SLC1A7: variants seen among roughly 807,000 people sequenced by gnomAD.
SLC1A7 encodes the protein solute carrier family 1 member 7, also known as excitatory amino acid transporter 5.
A neutral mutation model predicts 47.7 loss-of-function variants in SLC1A7; 40 were observed. That is an observed-to-expected ratio of 0.84 (90% CI 0.65 to 1.09). The LOEUF (loss-of-function observed/expected upper bound fraction) is 1.09, where lower values mean the gene tolerates loss of function less well. Among genes scored for constraint, SLC1A7 ranks in the 50% least tolerant of loss-of-function variants. The pLI is 0.00. For missense variants in SLC1A7, 746 were observed against 769.5 expected (o/e 0.97, Z 0.36); for synonymous variants, 323 against 325.6 (o/e 0.99, Z 0.09).
At chr1:53,090,282 C>A (rs116005653) in intron 8 of SLC1A7, 2 of 540,692 alleles carry the variant, frequency 3.7e-6, no homozygotes, top group Non-Finnish European at 6.6e-6. Flanking sequence ...GGGGCCTGGC[C>A]TCCAGGGTCA....
At chr1:53,124,267 C>G (rs1012543507) in intron 2 of SLC1A7, among the ~76,000 whole-genome samples, 1 of 146,090 alleles carries the variant, frequency 6.8e-6, no homozygotes, top group South Asian at 2.2e-4. Context: ...CACACACACA[C>G]ACACACACAC....
chr1:53,089,399 G>A (rs1288402), intron 9 of SLC1A7, among the ~76,000 whole-genome samples: 83,972 of 151,916 alleles, frequency 0.55, 26,757 homozygotes, highest in Non-Finnish European at 0.72. Context: ...TGAATAGCTG[G>A]GATTACAGGC....
At chr1:53,136,548 TATATATAAACATATATATAAACATATATA>T (rs1644996908) in intron 1 of SLC1A7, among the ~76,000 whole-genome samples, 1 of 40,422 alleles carries the variant, frequency 2.5e-5, no homozygotes, top group Non-Finnish European at 4.9e-5. Context: ...ATATATATAA[TATATATAAACATATATATAAACATATATA>T]ATATATAAAC....
chr1:53,111,156 G>T (rs1290149657), intron 3 of SLC1A7, among the ~76,000 whole-genome samples: 3 of 152,198 alleles, frequency 2.0e-5, no homozygotes, highest in Non-Finnish European at 1.5e-5. Flanking sequence ...CAACAGAGAG[G>T]CAGAGCCTGG....
chr1:53,127,870 T>G (rs888982682), intron 2 of SLC1A7, among the ~76,000 whole-genome samples: 1 of 152,162 alleles, frequency 6.6e-6, no homozygotes, highest in African/African-American at 2.4e-5. Context: ...TTCTCCCTGG[T>G]TGGGCCTCCG....
chr1:53,123,756 G>A (rs1333190662), intron 2 of SLC1A7, among the ~76,000 whole-genome samples: 3 of 152,238 alleles, frequency 2.0e-5, no homozygotes, highest in Admixed American at 2.0e-4. Context: ...GCTTTTCGGA[G>A]TCACCAGGCT....
rs1644969219 is a variant in SLC1A7, at chr1:53,134,275, C to G, written c.215+75G>C. On this transcript the variant is annotated intron_variant, in intron 2 of 10. Transcript: ENST00000371494. ...GTGGTTGCTCTCCAGCCACCCACAG[C>G]AGGAGCAGGGCAGCAACAGAAGCCA... is the stretch of plus-strand genomic sequence containing the variant. The G allele has an allele frequency of 3.7e-6, 4 of 1,075,048 alleles. No individual in the cohort carries two copies. In the African/African-American group the frequency reaches 6.2e-5, roughly 17 times the overall value. The allele number at this position is 1,075,048 out of a possible 1,614,324, so 66.6% of individuals were successfully genotyped here.
At chr1:53,134,496 C>T in intron 1 of SLC1A7, 67 bp from the exon 2 acceptor site, 1 of 1,061,350 alleles carries the variant, frequency 9.4e-7, no homozygotes, top group Non-Finnish European at 1.4e-6. Context: ...CCGTTCTTCA[C>T]AGTCTTTGAA....
At chr1:53,098,247 C>T (rs1260775113) in intron 5 of SLC1A7, among the ~76,000 whole-genome samples, 1 of 151,176 alleles carries the variant, frequency 6.6e-6, no homozygotes, top group Admixed American at 6.6e-5. Context: ...TCAGTATACT[C>T]ACCCTGCCTC....
chr1:53,092,556 G>A lies in SLC1A7; in HGVS notation c.1029C>T (p.Ser343=), dbSNP rs1225395938. 24 of 1,609,054 alleles carry A rather than the reference G, an allele frequency of 1.5e-5. No homozygotes were observed. The highest frequency in any genetic ancestry group is 2.0e-5 in the Non-Finnish European group (24 of 1,175,418). The change falls in exon 7 of 11, where the codon TCC becomes TCT. Residue 343 remains serine (S), a splice_region_variant and synonymous_variant. Coordinates refer to ENST00000371494, the MANE Select transcript of SLC1A7 (RefSeq NM_006671.6). ...QALLIALATS[S]SSATLPITFK... ...GTCCTGCCCGTCCCCGGGGCTACCT[G>A]GAGGAGGTGGCCAGCGCGATGAGCA... is the stretch of plus-strand genomic sequence containing the variant.
In SLC1A7 at chr1:53,089,843, G is replaced by GT; in HGVS notation, c.1317_1318insA (p.Pro440ThrfsTer4). 1 of 1,613,912 alleles carries GT rather than the reference G, an allele frequency of 6.2e-7. No homozygotes were observed. Among genetic ancestry groups the GT allele is most frequent in the South Asian group, 1.1e-5 (1 of 91,066 alleles). ...ATGATGAGGGTGATGTCATCGGTGG[G>GT]CAGTCCCACGGAGGTGAGCACGATG... On this transcript the variant is annotated frameshift_variant, in exon 9 of 11. Transcript: ENST00000371494. LOFTEE classifies it high-confidence loss of function.
At chr1:53,099,099 A>G (rs1263362647) in intron 5 of SLC1A7, among the ~76,000 whole-genome samples, 1 of 150,820 alleles carries the variant, frequency 6.6e-6, no homozygotes, top group East Asian at 2.0e-4. Context: ...GTACATGCAC[A>G]CATACCGCCT....
At chr1:53,089,021 G>A in intron 9 of SLC1A7, 42 bp from the exon 10 acceptor site, 1 of 1,518,856 alleles carries the variant, frequency 6.6e-7, no homozygotes, top group Non-Finnish European at 9.1e-7. Context: ...GCACTTGAAG[G>A]GGAGCTGGAA....
chr1:53,118,100 G>A (rs747637836), intron 2 of SLC1A7, among the ~76,000 whole-genome samples: 6 of 152,254 alleles, frequency 3.9e-5, no homozygotes, highest in Non-Finnish European at 5.9e-5. Context: ...TGCAGAGGTC[G>A]TGGCTTCCAC....
At chr1:53,094,999 G>A (rs781098992) in intron 5 of SLC1A7, among the ~76,000 whole-genome samples, 1 of 152,072 alleles carries the variant, frequency 6.6e-6, no homozygotes, top group African/African-American at 2.4e-5. Flanking sequence ...TCACACACGC[G>A]GGCAGACACT....
chr1:53,126,158 G>A (rs1029982138), intron 2 of SLC1A7, among the ~76,000 whole-genome samples: 2 of 152,278 alleles, frequency 1.3e-5, no homozygotes, highest in Admixed American at 1.3e-4. Context: ...CTCAGAGGCC[G>A]TGATCTAAAA....
intron 1 of SLC1A7, among the ~76,000 whole-genome samples, chr1:53,139,364 C>A (rs553230328): frequency 6.6e-6 from 1 of 152,178 alleles, no homozygotes; most frequent in Non-Finnish European, 1.5e-5. Context: ...TGCTGGGGAC[C>A]CCACTCAGAC....
chr1:53,129,565 G>GA (rs1465540240), intron 2 of SLC1A7, among the ~76,000 whole-genome samples: 1 of 116,072 alleles, frequency 8.6e-6, no homozygotes, highest in African/African-American at 3.2e-5. Context: ...AGAAATTCTA[G>GA]AAAAAAAAGA....
intron 1 of SLC1A7, among the ~76,000 whole-genome samples, chr1:53,140,968 C>T (rs1369722910): frequency 4.6e-5 from 7 of 152,136 alleles, no homozygotes; most frequent in Admixed American, 4.6e-4. Flanking sequence ...TGCCTGACCC[C>T]AGTTGTAGAG....
Sources: allele counts gnomAD v4.1 joint callset (sites outside exome capture counted in the v4.1 genomes callset), GRCh38; gene constraint gnomAD v4.1.1; transcripts MANE v1.5; gene names NCBI Gene and HGNC (gene_info 2026-07-23, HGNC 2026-07-21).